The following ZFAND6 variants were observed in gnomAD, a reference collection of about 807,000 sequenced individuals.
ZFAND6 encodes zinc finger AN1-type containing 6.
A neutral mutation model predicts 24.5 loss-of-function variants in ZFAND6; 12 were observed. That is an observed-to-expected ratio of 0.49 (90% confidence interval 0.31 to 0.79). ZFAND6 has a LOEUF of 0.79. Among genes scored for constraint, ZFAND6 ranks in the 30% least tolerant of loss-of-function variants. ZFAND6 has a pLI of 0.04. For synonymous variants in ZFAND6, 92 were observed against 81.5 expected (o/e 1.13, Z -0.69); for missense variants, 207 against 245.9 (o/e 0.84, Z 1.06).
chr15:80,078,418 A>C (rs1458791940), intron 1 of ZFAND6, among the ~76,000 whole-genome samples: 1 of 152,262 alleles, frequency 6.6e-6, no homozygotes, highest in Non-Finnish European at 1.5e-5. Context: ...ACAGTATCCC[A>C]TAATGTATAT....
intron 2 of ZFAND6, among the ~76,000 whole-genome samples, chr15:80,118,705 A>G (rs2040011184): frequency 6.6e-6 from 1 of 152,166 alleles, no homozygotes; most frequent in Non-Finnish European, 1.5e-5. Context: ...ATGCTTGCCA[A>G]AATCCCAAAT....
intron 6 of ZFAND6, among the ~76,000 whole-genome samples, chr15:80,137,018 C>T (rs1163525019): frequency 6.6e-6 from 1 of 152,202 alleles, no homozygotes; most frequent in Non-Finnish European, 1.5e-5. Flanking sequence ...AACTGCAGTA[C>T]AGTTCACATC....
In ZFAND6 at chr15:80,137,778, C is replaced by T; in HGVS notation, c.*150C>T. 1.3e-6 allele frequency: 1 copy of T among 760,152 alleles called. No individual in the cohort carries two copies. The highest frequency in any genetic ancestry group is 1.9e-6 in the Non-Finnish European group (1 of 523,286). 47.1% of individuals were successfully genotyped at this position (760,152 alleles called of 1,614,324 possible). A position where few individuals can be genotyped will look rare whatever the true frequency, so the allele number is the denominator to read the frequency against. Reference sequence around the variant, plus strand: ...TGTTTTGGTTTTGTTTTGAAAATGACTCTGAACATTTATTTCCATTGCAAT... The same window carrying T: ...TGTTTTGGTTTTGTTTTGAAAATGATTCTGAACATTTATTTCCATTGCAAT... On this transcript the variant is annotated 3_prime_UTR_variant, in exon 7 of 7. Coordinates refer to ENST00000261749, the MANE Select transcript of ZFAND6 (RefSeq NM_019006.4).
intron 1 of ZFAND6, among the ~76,000 whole-genome samples, chr15:80,063,244 C>A (rs1473808527): frequency 6.6e-6 from 1 of 152,122 alleles, no homozygotes; most frequent in Non-Finnish European, 1.5e-5. Flanking sequence ...GGTGAAAATA[C>A]GTTTTATGTA....
chr15:80,074,645 C>T (rs1486335272), intron 1 of ZFAND6, among the ~76,000 whole-genome samples: 3 of 151,740 alleles, frequency 2.0e-5, no homozygotes, highest in Admixed American at 6.6e-5. Flanking sequence ...AGCATCTTTC[C>T]AGTATTTTAT....
chr15:80,121,914 C>A, intron 4 of ZFAND6, 94 bp downstream of exon 4: 1 of 1,063,190 alleles, frequency 9.4e-7, no homozygotes. Flanking sequence ...CGTAAAGCTA[C>A]TTTTAGATTA....
intron 2 of ZFAND6, among the ~76,000 whole-genome samples, chr15:80,107,058 C>CA (rs1052015813): frequency 3.3e-5 from 5 of 151,924 alleles, no homozygotes; most frequent in Non-Finnish European, 1.5e-5. Flanking sequence ...ACTAAAAATA[C>CA]AAAAAAATCA....
intron 1 of ZFAND6, among the ~76,000 whole-genome samples, chr15:80,096,443 C>T (rs1332381959): frequency 6.6e-6 from 1 of 152,156 alleles, no homozygotes; most frequent in Admixed American, 6.5e-5. Context: ...GAATACCTTT[C>T]ATATAACTCT....
chr15:80,111,370 C>A (rs187345554), intron 2 of ZFAND6: 98 of 385,846 alleles, frequency 2.5e-4, no homozygotes, highest in African/African-American at 1.9e-3. Context: ...GTTCTTAACT[C>A]TTGCAGTCAA....
At chr15:80,072,813 G>A (rs2037054469) in intron 1 of ZFAND6, among the ~76,000 whole-genome samples, 1 of 151,978 alleles carries the variant, frequency 6.6e-6, no homozygotes, top group South Asian at 2.1e-4. Context: ...CAGGAAATAG[G>A]TGTTCAGAGA....
intron 1 of ZFAND6, among the ~76,000 whole-genome samples, chr15:80,085,805 A>G (rs2037960294): frequency 6.6e-6 from 1 of 152,144 alleles, no homozygotes; most frequent in South Asian, 2.1e-4. Context: ...TGTGCCACAT[A>G]ATGACATGTT....
chr15:80,117,251 C>G (rs998263987), intron 2 of ZFAND6, among the ~76,000 whole-genome samples: 12 of 150,626 alleles, frequency 8.0e-5, no homozygotes, highest in Non-Finnish European at 1.6e-4. Flanking sequence ...GAGACGGAGT[C>G]TCGCTCTGTT....
In ZFAND6 at chr15:80,122,332, G is replaced by A. The variant is rs774453581; in HGVS notation, c.264-368G>A. ...CCAATATATTAAGTTCCTACACTGG[G>A]GTTCCTTTTTTCCAGTTCATGATAA... On this transcript the variant is annotated intron_variant, in intron 4 of 6. Transcript: ENST00000261749. Among the ~76,000 whole-genome samples, 130 of 152,040 alleles carry A rather than the reference G, an allele frequency of 8.6e-4. 1 individual carries two copies. Among genetic ancestry groups the A allele is most frequent in the Admixed American group, 9.8e-4 (15 of 15,258 alleles).
chr15:80,138,162 C>T lies in ZFAND6; in HGVS notation c.*534C>T, dbSNP rs541732078. 18 of 152,844 alleles carry T rather than the reference C, an allele frequency of 1.2e-4. No homozygotes were observed. The highest frequency in any genetic ancestry group is 3.8e-4 in the African/African-American group (16 of 41,572). 9.5% of individuals were successfully genotyped at this position (152,844 alleles called of 1,614,324 possible). A position where few individuals can be genotyped will look rare whatever the true frequency, so the allele number is the denominator to read the frequency against. On this transcript the variant is annotated 3_prime_UTR_variant, in exon 7 of 7. Transcript: ENST00000261749. ...CACTATTTATGTCTGAATCATTTGT[C>T]ACAAGAGAGTGTGTGCTGATGAGAT... is the stretch of plus-strand genomic sequence containing the variant.
chr15:80,069,342 A>C (rs193100535), intron 1 of ZFAND6, among the ~76,000 whole-genome samples: 1 of 152,172 alleles, frequency 6.6e-6, no homozygotes, highest in Non-Finnish European at 1.5e-5. Context: ...TGCATTAATC[A>C]GTGACCTTGT....
chr15:80,091,796 T>C (rs2038393793), intron 1 of ZFAND6, among the ~76,000 whole-genome samples: 1 of 152,104 alleles, frequency 6.6e-6, no homozygotes, highest in African/African-American at 2.4e-5. Flanking sequence ...CGTGACGCCA[T>C]GCCTGGCTAA....
At chr15:80,059,046 T>C (rs2036190717), upstream of ZFAND6, among the ~76,000 whole-genome samples, 1 of 152,270 alleles carries the variant, frequency 6.6e-6, no homozygotes, top group Non-Finnish European at 1.5e-5. Flanking sequence ...TGCCTGTGCA[T>C]GTATGTATTG....
At chr15:80,101,552 A>C (rs533713158) in intron 2 of ZFAND6, among the ~76,000 whole-genome samples, 3 of 152,152 alleles carry the variant, frequency 2.0e-5, no homozygotes, top group African/African-American at 7.2e-5. Context: ...CTCAGTAGCT[A>C]CATGTGACTG....
At position 80,137,719 on chromosome 15, in the gene ZFAND6, G is replaced by GT; in HGVS notation, c.*92dup. ...TCCTAGTCATTGGGAATGTAGAGCAGTGTATCTTGCATGTCATCGGAAGAA... is the reference window on the plus strand; with the variant it reads ...TCCTAGTCATTGGGAATGTAGAGCAGTTGTATCTTGCATGTCATCGGAAGAA... On this transcript the variant is annotated 3_prime_UTR_variant, in exon 7 of 7. Transcript: ENST00000261749. 2 of 1,321,462 alleles carry GT rather than the reference G, an allele frequency of 1.5e-6. No individual in the cohort carries two copies. The highest frequency in any genetic ancestry group is 3.4e-5 in the South Asian group (2 of 58,220). 81.9% of individuals were successfully genotyped at this position (1,321,462 alleles called of 1,614,324 possible).
Sources: allele counts gnomAD v4.1 joint callset (sites outside exome capture counted in the v4.1 genomes callset), GRCh38; gene constraint gnomAD v4.1.1; transcripts MANE v1.5; gene names NCBI Gene and HGNC (gene_info 2026-07-23, HGNC 2026-07-21).